Variants in KLF12 observed in about 807,000 individuals in gnomAD.
The protein encoded by KLF12 is Krueppel-like factor 12.
KLF12 carries 9 observed loss-of-function variants against 37.8 expected under a neutral mutation model. That is an observed-to-expected ratio of 0.24 (90% CI 0.14 to 0.42). The LOEUF (loss-of-function observed/expected upper bound fraction) is 0.42, where lower values mean the gene tolerates loss of function less well. Ranked by LOEUF, KLF12 falls within the 10% of genes least tolerant of loss-of-function variation. The pLI is 1.00. For synonymous variants in KLF12, 208 were observed against 202.1 expected (o/e 1.03, Z -0.25); for missense variants, 411 against 516.0 (o/e 0.80, Z 1.97).
At chr13:74,218,380 C>G in the KLF12 span, among the ~76,000 whole-genome samples, 7 of 152,098 alleles carry the variant, frequency 4.6e-5, no homozygotes, top group African/African-American at 1.7e-4. Context: ...ATTTAACTAA[C>G]GAAATCTGGG....
the KLF12 span, among the ~76,000 whole-genome samples, chr13:74,199,259 G>A: frequency 2.6e-5 from 4 of 152,216 alleles, no homozygotes; most frequent in Non-Finnish European, 5.9e-5. Context: ...AATGCAGGTG[G>A]AGAAGAGTGA....
At chr13:74,217,320 T>C in the KLF12 span, among the ~76,000 whole-genome samples, 2 of 152,144 alleles carry the variant, frequency 1.3e-5, no homozygotes, top group African/African-American at 2.4e-5. Flanking sequence ...ACTTTTTTTT[T>C]TTTTTATAAA....
At chr13:74,049,391 G>A (rs748451611) in intron 1 of KLF12, among the ~76,000 whole-genome samples, 2 of 152,112 alleles carry the variant, frequency 1.3e-5, no homozygotes, top group Non-Finnish European at 2.9e-5. Context: ...GCCATCAAGG[G>A]TGCAACACAT....
chr13:73,690,814 T>C lies in KLF12; in HGVS notation c.*4676A>G, dbSNP rs1004429489. On this transcript the variant is annotated 3_prime_UTR_variant, in exon 8 of 8. Transcript: ENST00000377669. ...AAAATTTGTGAGTTTGAAAATACTT[T>C]TTCCACTATCACATATGTTACGAAT... is the stretch of plus-strand genomic sequence containing the variant. The C allele has an allele frequency of 2.0e-5, 3 of 152,640 alleles. No individual in the cohort carries two copies. The highest frequency in any genetic ancestry group is 1.3e-4 in the Admixed American group (2 of 15,264). The allele number at this position is 152,640 out of a possible 1,614,324, so 9.5% of individuals were successfully genotyped here. A position where few individuals can be genotyped will look rare whatever the true frequency, so the allele number is the denominator to read the frequency against.
chr13:73,828,397 C>G (rs1460634117), intron 4 of KLF12, among the ~76,000 whole-genome samples: 1 of 152,164 alleles, frequency 6.6e-6, no homozygotes, highest in Non-Finnish European at 1.5e-5. Flanking sequence ...TGATAAATGT[C>G]ATTTTAGATA....
At chr13:74,174,661 C>T in the KLF12 span, among the ~76,000 whole-genome samples, 3 of 152,170 alleles carry the variant, frequency 2.0e-5, no homozygotes, top group Admixed American at 2.0e-4. Context: ...TCAAGAGCAA[C>T]AGATGGTTTA....
chr13:73,880,242 T>G (rs1463450783), intron 3 of KLF12, among the ~76,000 whole-genome samples: 3 of 152,138 alleles, frequency 2.0e-5, no homozygotes. Flanking sequence ...CACTTAGATA[T>G]CCCTGAAACA....
At chr13:73,746,810 CTTT>C (rs776746904) in intron 6 of KLF12, among the ~76,000 whole-genome samples, 2 of 119,858 alleles carry the variant, frequency 1.7e-5, no homozygotes, top group East Asian at 2.3e-4. Context: ...TCCCTCCCTC[CTTT>C]TTTTTTTTTT....
chr13:74,279,006 A>G, the KLF12 span, among the ~76,000 whole-genome samples: 3 of 152,290 alleles, frequency 2.0e-5, no homozygotes, highest in East Asian at 1.9e-4. Context: ...ATCTTTTCCC[A>G]TGGTTACCCA....
rs1872910131 is a variant in KLF12, at chr13:74,051,337, CACAA to C, written c.-31-56288_-31-56285del. ...AATGTGGTGTGTGTATACATACACA[CACAA>C]ACACACACACACACACACACACACA... On this transcript the variant is annotated intron_variant, in intron 1 of 7. Transcript: ENST00000377669. Among the ~76,000 whole-genome samples, 4 of 95,304 alleles carry C rather than the reference CACAA, an allele frequency of 4.2e-5. No homozygotes were observed. In the East Asian group the frequency reaches 1.4e-3, roughly 34 times the overall value. The allele number at this position is 95,304 out of a possible 152,430, so 62.5% of individuals were successfully genotyped here.
chr13:74,219,635 A>G, the KLF12 span, among the ~76,000 whole-genome samples: 2 of 152,218 alleles, frequency 1.3e-5, no homozygotes, highest in African/African-American at 4.8e-5. Context: ...TTGTTTAAGA[A>G]ATAATTTCTT....
At chr13:74,305,489 T>G in the KLF12 span, among the ~76,000 whole-genome samples, 9 of 152,192 alleles carry the variant, frequency 5.9e-5, no homozygotes, top group South Asian at 1.7e-3. Context: ...GAAAAAATAT[T>G]AGTGTGCTGT....
intron 6 of KLF12, among the ~76,000 whole-genome samples, chr13:73,755,528 G>A (rs1879094112): frequency 6.6e-6 from 1 of 152,142 alleles, no homozygotes; most frequent in Admixed American, 6.5e-5. Context: ...GCATGTCAAT[G>A]AATGTCCTAG....
the KLF12 span, among the ~76,000 whole-genome samples, chr13:74,275,930 TTCA>T: frequency 7.0e-6 from 1 of 142,362 alleles, no homozygotes; most frequent in African/African-American, 2.7e-5. Context: ...TCTTTCTTTC[TTCA>T]TTTGCTCTAT....
upstream of KLF12, among the ~76,000 whole-genome samples, chr13:74,138,358 G>C (rs1362837103): frequency 6.6e-6 from 1 of 152,114 alleles, no homozygotes; most frequent in African/African-American, 2.4e-5. Context: ...AAGTGAACAT[G>C]TACTGTTAGG....
At chr13:73,973,440 C>CA (rs1417214057) in intron 2 of KLF12, among the ~76,000 whole-genome samples, 1 of 152,140 alleles carries the variant, frequency 6.6e-6, no homozygotes, top group Non-Finnish European at 1.5e-5. Flanking sequence ...CCAAAACAGA[C>CA]AGAGAGGGCA....
the KLF12 span, among the ~76,000 whole-genome samples, chr13:74,171,882 C>G: frequency 6.6e-6 from 1 of 152,108 alleles, no homozygotes; most frequent in Non-Finnish European, 1.5e-5. Context: ...ATAATAGAAC[C>G]TGAGGGAGAA....
the KLF12 span, chr13:74,258,241 T>C: frequency 1.3e-5 from 2 of 151,110 alleles, no homozygotes; most frequent in African/African-American, 4.9e-5. Flanking sequence ...TTGAAGGTAT[T>C]TGGCCCTGCT....
intron 1 of KLF12, among the ~76,000 whole-genome samples, chr13:74,075,245 T>A (rs1453902721): frequency 6.6e-6 from 1 of 152,192 alleles, no homozygotes; most frequent in African/African-American, 2.4e-5. Context: ...TTAGTCAGGG[T>A]CCTTTTCTCC....
Sources: allele counts gnomAD v4.1 joint callset (sites outside exome capture counted in the v4.1 genomes callset), GRCh38; gene constraint gnomAD v4.1.1; transcripts MANE v1.5; gene names NCBI Gene and HGNC (gene_info 2026-07-23, HGNC 2026-07-21).